The following ADGRF5 variants were observed in gnomAD, a reference collection of about 807,000 sequenced individuals.
ADGRF5 encodes the protein adhesion G protein-coupled receptor F5.
A neutral mutation model predicts 132.3 loss-of-function variants in ADGRF5; 75 were observed. The ratio of observed to expected loss-of-function variants is 0.57; its 90% confidence interval spans 0.47 to 0.69. ADGRF5 has a LOEUF of 0.69. ADGRF5 is among the 30% of genes least tolerant of loss of function. The pLI is 0.00. For synonymous variants in ADGRF5, 629 were observed against 597.6 expected (o/e 1.05, Z -0.77); for missense variants, 1,516 against 1,630.6 (o/e 0.93, Z 1.21).
At chr6:46,861,503 G>T (rs1013553360) in intron 15 of ADGRF5, among the ~76,000 whole-genome samples, 1 of 152,020 alleles carries the variant, frequency 6.6e-6, no homozygotes, top group Non-Finnish European at 1.5e-5. Context: ...TTTGATAGAT[G>T]TTCCAACCCA....
intron 1 of ADGRF5, among the ~76,000 whole-genome samples, chr6:46,928,603 A>G (rs1401760620): frequency 6.6e-6 from 1 of 152,024 alleles, no homozygotes; most frequent in East Asian, 1.9e-4. Flanking sequence ...TCCTCTATCT[A>G]TGGGGATAAC....
intron 2 of ADGRF5, among the ~76,000 whole-genome samples, chr6:46,900,477 T>C (rs575419710): frequency 7.2e-5 from 11 of 152,298 alleles, no homozygotes; most frequent in African/African-American, 2.6e-4. Context: ...ACGACCTCCT[T>C]CTCAACACTC....
At chr6:46,892,081 T>C (rs547843049) in intron 3 of ADGRF5, among the ~76,000 whole-genome samples, 67 of 151,836 alleles carry the variant, frequency 4.4e-4, no homozygotes, top group African/African-American at 1.6e-3. Context: ...GCTGTTGGCT[T>C]ACTCTCGGAA....
At position 46,888,522 on chromosome 6, in the gene ADGRF5, T is replaced by C; in HGVS notation, c.158-17A>G. ...TTGTGGCAACTGCAATGAAAGCACATGAAGGCTGAGAGAACTTACCATGGG... is the reference window on the plus strand; with the variant it reads ...TTGTGGCAACTGCAATGAAAGCACACGAAGGCTGAGAGAACTTACCATGGG... On this transcript the variant is annotated splice_polypyrimidine_tract_variant and intron_variant, in intron 3 of 20. Coordinates refer to ENST00000283296, the MANE Select transcript of ADGRF5 (RefSeq NM_001098518.2). 2 of 1,592,378 alleles carry C rather than the reference T, an allele frequency of 1.3e-6. No homozygotes were observed. Among genetic ancestry groups the C allele is most frequent in the Non-Finnish European group, 1.7e-6 (2 of 1,159,950 alleles).
At chr6:46,944,092 G>C (rs1778204946) in intron 1 of ADGRF5, among the ~76,000 whole-genome samples, 1 of 152,180 alleles carries the variant, frequency 6.6e-6, no homozygotes, top group Admixed American at 6.5e-5. Flanking sequence ...TTCTAAGGCA[G>C]TGGTCTCCAT....
intron 1 of ADGRF5, among the ~76,000 whole-genome samples, chr6:46,951,617 C>T (rs995323454): frequency 5.3e-5 from 8 of 152,210 alleles, no homozygotes; most frequent in South Asian, 2.1e-4. Flanking sequence ...TATATGTCTA[C>T]GTGCTTCTAG....
At chr6:46,941,426 G>GAAAAGAAAAGAAAAGAAAAGAA (rs1778064064) in intron 1 of ADGRF5, among the ~76,000 whole-genome samples, 5 of 43,180 alleles carry the variant, frequency 1.2e-4, no homozygotes, top group African/African-American at 3.0e-4. Flanking sequence ...GAAAAGAAAA[G>GAAAAGAAAAGAAAAGAAAAGAA]AAAAGAAAAG....
rs908116939 is a variant in ADGRF5 at position 46,899,093 on chromosome 6, G to A, written c.157+936C>T. On this transcript the variant is annotated intron_variant, in intron 3 of 20. Transcript: ENST00000283296. ...AATGGAAATGTATCAAGGGGAATGGGAACCCAGGAAAAGCAGTCTCTGATG... is the reference window on the plus strand; with the variant it reads ...AATGGAAATGTATCAAGGGGAATGGAAACCCAGGAAAAGCAGTCTCTGATG... Among the ~76,000 whole-genome samples the A allele has an allele frequency of 2.6e-5, 4 of 152,208 alleles. No individual in the cohort carries two copies. In the East Asian group the frequency reaches 7.7e-4, roughly 29 times the overall value.
chr6:46,906,839 G>A (rs1775427710), intron 1 of ADGRF5, 53 bp from the exon 2 acceptor site: 1 of 829,696 alleles, frequency 1.2e-6, no homozygotes, highest in Non-Finnish European at 2.1e-6. Context: ...TCTTAAACAA[G>A]GAAAAAGAAC....
intron 1 of ADGRF5, among the ~76,000 whole-genome samples, chr6:46,917,497 A>T (rs1776523174): frequency 1.3e-5 from 2 of 152,260 alleles, no homozygotes; most frequent in East Asian, 1.9e-4. Context: ...ACTTTTCTGG[A>T]TCCCCCATCT....
intron 1 of ADGRF5, among the ~76,000 whole-genome samples, chr6:46,948,600 A>G (rs1274496208): frequency 6.6e-6 from 1 of 152,004 alleles, no homozygotes; most frequent in Non-Finnish European, 1.5e-5. Flanking sequence ...TATTAATTGC[A>G]ATTCAAGCCA....
At position 46,853,005 on chromosome 6, in the gene ADGRF5, C is replaced by T. The variant is rs928170643; in HGVS notation, c.*987G>A. 6.6e-6 allele frequency: 1 copy of T among 152,522 alleles called. No individual in the cohort carries two copies. The highest frequency in any genetic ancestry group is 1.5e-5 in the Non-Finnish European group (1 of 68,022). The allele number at this position is 152,522 out of a possible 1,614,324, so 9.4% of individuals were successfully genotyped here. ...CTGCTTGAAGCCATTAAATATATGA[C>T]AGGGTCTGTCTTCAGTGCAACATAT... On this transcript the variant is annotated 3_prime_UTR_variant, in exon 21 of 21. Coordinates refer to ENST00000283296, the MANE Select transcript of ADGRF5 (RefSeq NM_001098518.2).
At chr6:46,938,360 TTGAC>T (rs1777926543) in intron 1 of ADGRF5, among the ~76,000 whole-genome samples, 1 of 152,202 alleles carries the variant, frequency 6.6e-6, no homozygotes, top group South Asian at 2.1e-4. Context: ...ATAAACACCT[TTGAC>T]TGGCAAATAG....
At chr6:46,944,118 G>C (rs1778206579) in intron 1 of ADGRF5, among the ~76,000 whole-genome samples, 1 of 152,152 alleles carries the variant, frequency 6.6e-6, no homozygotes, top group Non-Finnish European at 1.5e-5. Context: ...TTGGCACCAG[G>C]GACTGGTTTC....
chr6:46,865,103 G>C lies in ADGRF5; in HGVS notation c.1929C>G (p.His643Gln), dbSNP rs993540998. ...CTGAATTATTAGCAGCATTGGTAAAGTGACAACACACATCAACAGTTTTTG... is the reference window on the plus strand; with the variant it reads ...CTGAATTATTAGCAGCATTGGTAAACTGACAACACACATCAACAGTTTTTG... ...WCSKTVDVCC[H>Q]FTNAANNSVW... is the part of the protein sequence containing the mutation. The change falls in exon 14 of 21, where the codon CAC (histidine) becomes CAG (glutamine). Residue 643 changes from histidine to glutamine, a missense_variant. His to Gln is a conservative substitution (Grantham distance 24). This residue lies in a region of ADGRF5 where 945 missense variants were observed against 929.4 expected (regional missense o/e 1.02). Coordinates refer to ENST00000283296, the MANE Select transcript of ADGRF5 (RefSeq NM_001098518.2). The C allele has an allele frequency of 2.5e-6, 4 of 1,610,296 alleles. No homozygotes were observed. The African/African-American group carries it at 5.3e-5, about 21-fold the overall frequency.
intron 1 of ADGRF5, among the ~76,000 whole-genome samples, chr6:46,914,749 G>T (rs1048576508): frequency 7.2e-5 from 11 of 151,900 alleles, no homozygotes; most frequent in Non-Finnish European, 1.6e-4. Context: ...ATGTGGAGGG[G>T]TTTCCCTAAG....
At chr6:46,942,526 A>G (rs1778132768) in intron 1 of ADGRF5, among the ~76,000 whole-genome samples, 1 of 152,192 alleles carries the variant, frequency 6.6e-6, no homozygotes, top group Non-Finnish European at 1.5e-5. Flanking sequence ...TCTTATGTGT[A>G]AAAGAGAGAC....
chr6:46,876,228 TC>T (rs1771633656), intron 10 of ADGRF5, among the ~76,000 whole-genome samples: 2 of 152,160 alleles, frequency 1.3e-5, no homozygotes, highest in Non-Finnish European at 2.9e-5. Flanking sequence ...ACGGTGCAGG[TC>T]CCCAGGCTGC....
At chr6:46,914,848 A>AT (rs537430751) in intron 1 of ADGRF5, among the ~76,000 whole-genome samples, 11 of 150,530 alleles carry the variant, frequency 7.3e-5, no homozygotes, top group South Asian at 2.1e-4. Context: ...GTTTGTTTTT[A>AT]TTTTTTTTGT....
Sources: allele counts gnomAD v4.1 joint callset (sites outside exome capture counted in the v4.1 genomes callset), GRCh38; gene constraint gnomAD v4.1.1; regional missense constraint gnomAD v4.1.1; transcripts MANE v1.5; gene names NCBI Gene and HGNC (gene_info 2026-07-23, HGNC 2026-07-21).